Variants in INVS observed in about 807,000 individuals in gnomAD.
The protein encoded by INVS is inversion of embryo turning homolog.
Under a neutral mutation model 108.8 loss-of-function variants are expected in INVS, and 86 were observed. The ratio of observed to expected loss-of-function variants is 0.79; its 90% CI spans 0.66 to 0.95. The LOEUF (loss-of-function observed/expected upper bound fraction) is 0.95, where lower values mean the gene tolerates loss of function less well. Ranked by LOEUF, INVS falls within the 40% of genes least tolerant of loss-of-function variation. INVS has a pLI of 0.00. For missense variants in INVS, 1,169 were observed against 1,297.4 expected (o/e 0.90, Z 1.52); for synonymous variants, 455 against 473.5 (o/e 0.96, Z 0.51).
intron 3 of INVS, among the ~76,000 whole-genome samples, chr9:100,128,526 C>A (rs970446360): frequency 3.3e-5 from 5 of 152,108 alleles, no homozygotes; most frequent in African/African-American, 1.2e-4. Context: ...AAAGCACCAG[C>A]ATTCAGAGAT....
chr9:100,292,288 G>T, intron 13 of INVS, 38 bp from the exon 14 acceptor site: 1 of 1,549,762 alleles, frequency 6.5e-7, no homozygotes, highest in Non-Finnish European at 8.9e-7. Context: ...ATCCTACTCT[G>T]CAAGTTTTGG....
intron 3 of INVS, among the ~76,000 whole-genome samples, chr9:100,184,658 G>A (rs562931013): frequency 1.3e-5 from 2 of 152,060 alleles, no homozygotes; most frequent in African/African-American, 2.4e-5. Context: ...TGCTACATTG[G>A]GAAGACATAT....
intron 3 of INVS, chr9:100,176,179 T>C (rs1014202876): frequency 1.6e-5 from 6 of 365,472 alleles, no homozygotes; most frequent in African/African-American, 1.1e-4. Context: ...CTTCATATCT[T>C]TGTTTCCTTT....
At chr9:100,284,195 A>G in intron 12 of INVS, 125 bp from the exon 13 acceptor site, 1 of 1,177,592 alleles carries the variant, frequency 8.5e-7, no homozygotes, top group Non-Finnish European at 1.2e-6. Flanking sequence ...CTGCTCTTGG[A>G]AAATGCAAAT....
At position 100,301,057 on chromosome 9, in the gene INVS, G is replaced by A. The variant is rs1833950826; in HGVS notation, c.*383G>A. 1 of 295,922 alleles carries A rather than the reference G, an allele frequency of 3.4e-6. No individual in the cohort carries two copies. The highest frequency in any genetic ancestry group is 3.4e-5 in the South Asian group (1 of 28,996). 18.3% of individuals were successfully genotyped at this position (295,922 alleles called of 1,614,324 possible). ...CTGGTACTGGCTTCTTGTTTCAAGA[G>A]ATGAACCTAAATGAGATAGGAAGCC... On this transcript the variant is annotated 3_prime_UTR_variant, in exon 17 of 17. Transcript: ENST00000262457.
At chr9:100,117,674 G>T (rs1827587050) in intron 2 of INVS, 1 of 591,876 alleles carries the variant, frequency 1.7e-6, no homozygotes, top group Non-Finnish European at 3.0e-6. Flanking sequence ...CGGAGAAGAA[G>T]CAGTTATAGG....
chr9:100,104,293 G>A (rs1827100725), intron 1 of INVS, among the ~76,000 whole-genome samples: 1 of 152,046 alleles, frequency 6.6e-6, no homozygotes, highest in African/African-American at 2.4e-5. Flanking sequence ...TCAAACTTCT[G>A]GCCTCAAGCA....
chr9:100,123,236 C>G (rs2118884604), intron 2 of INVS, among the ~76,000 whole-genome samples: 1 of 152,282 alleles, frequency 6.6e-6, no homozygotes, highest in Non-Finnish European at 1.5e-5. Flanking sequence ...AAACCCTTCA[C>G]CCTTTGGCTG....
At chr9:100,289,685 A>G (rs1833554253) in intron 13 of INVS, among the ~76,000 whole-genome samples, 1 of 152,160 alleles carries the variant, frequency 6.6e-6, no homozygotes, top group Non-Finnish European at 1.5e-5. Context: ...AGGTTAGACT[A>G]TCTTCCTTAC....
At chr9:100,115,429 T>TA (rs1053918874) in intron 2 of INVS, among the ~76,000 whole-genome samples, 42 of 152,268 alleles carry the variant, frequency 2.8e-4, no homozygotes, top group African/African-American at 9.6e-4. Flanking sequence ...ACATTAGGTA[T>TA]ATCTCCTAAT....
chr9:100,176,507 C>T (rs966816520), intron 3 of INVS, among the ~76,000 whole-genome samples: 6 of 152,054 alleles, frequency 3.9e-5, no homozygotes, highest in Non-Finnish European at 5.9e-5. Context: ...GACGGAGTCT[C>T]GCACTGCTGC....
chr9:100,125,475 A>G (rs1342721261), intron 2 of INVS, among the ~76,000 whole-genome samples: 2 of 152,098 alleles, frequency 1.3e-5, no homozygotes, highest in South Asian at 2.1e-4. Context: ...GCAAAAGCAA[A>G]CAAGCAAACA....
chr9:100,248,966 C>G (rs1210859877), intron 8 of INVS, among the ~76,000 whole-genome samples: 3 of 145,668 alleles, frequency 2.1e-5, no homozygotes, highest in Non-Finnish European at 4.5e-5. Context: ...TCTCAAACTC[C>G]TGGGCTCAAG....
rs927985340 is a variant in INVS at position 100,256,201 on chromosome 9, T to C, written c.1464+3065T>C. The stretch of plus-strand genomic sequence containing the variant: ...TTCTAGATTTTCTAGTTTATTTGCA[T>C]AGAAGTGTTTATAGTATTCTCTGAT... On this transcript the variant is annotated intron_variant, in intron 10 of 16. Coordinates refer to ENST00000262457, the MANE Select transcript of INVS (RefSeq NM_014425.5). Among the ~76,000 whole-genome samples the C allele has an allele frequency of 3.9e-5, 6 of 152,352 alleles. No homozygotes were observed. The East Asian group carries it at 5.8e-4, about 15-fold the overall frequency.
In INVS at chr9:100,103,681, C is replaced by T. The variant is rs1234324818; in HGVS notation, c.-24-817C>T. On this transcript the variant is annotated intron_variant, in intron 1 of 16. Coordinates refer to ENST00000262457, the MANE Select transcript of INVS (RefSeq NM_014425.5). ...GGAGAGGAGGGGAGGAAAGGAGAGG[C>T]GAGGGGAGGGGAGGGGAGGCGAGGG... Among the ~76,000 whole-genome samples the T allele has an allele frequency of 8.8e-5, 4 of 45,644 alleles. No individual in the cohort carries two copies. In the South Asian group the frequency reaches 2.6e-3, roughly 29 times the overall value. The allele number at this position is 45,644 out of a possible 152,430, so 29.9% of individuals were successfully genotyped here.
chr9:100,104,045 T>C (rs1258753735), intron 1 of INVS, among the ~76,000 whole-genome samples: 1 of 152,166 alleles, frequency 6.6e-6, no homozygotes, highest in Non-Finnish European at 1.5e-5. Flanking sequence ...TGTGTCACTG[T>C]AACCCTGAGC....
At chr9:100,146,831 A>G (rs1194183323) in intron 3 of INVS, among the ~76,000 whole-genome samples, 2 of 152,208 alleles carry the variant, frequency 1.3e-5, no homozygotes, top group African/African-American at 2.4e-5. Flanking sequence ...ATATACCGCA[A>G]TTTATTTATT....
chr9:100,297,161 G>A lies in INVS; in HGVS notation c.3016+15G>A, dbSNP rs1270671278. The A allele has an allele frequency of 2.5e-6, 4 of 1,604,838 alleles. No individual in the cohort carries two copies. Among genetic ancestry groups the A allele is most frequent in the Non-Finnish European group, 3.4e-6 (4 of 1,172,102 alleles). On this transcript the variant is annotated intron_variant, in intron 15 of 16. Transcript: ENST00000262457. ...GCAAATCTATGGTAACTGTCCTTCTGCCTACTTTGTAGTTCACAAGTACCC... is the reference window on the plus strand; with the variant it reads ...GCAAATCTATGGTAACTGTCCTTCTACCTACTTTGTAGTTCACAAGTACCC...
intron 3 of INVS, among the ~76,000 whole-genome samples, chr9:100,137,080 T>C (rs1043365392): frequency 6.6e-5 from 10 of 152,016 alleles, no homozygotes; most frequent in Non-Finnish European, 1.5e-4. Context: ...AGATACACAG[T>C]AGGAAAGTTT....
Sources: gnomAD v4.1 joint callset for allele counts (sites outside exome capture counted in the v4.1 genomes callset) on GRCh38, gnomAD v4.1.1 for gene constraint, MANE v1.5 for transcripts, NCBI Gene and HGNC (gene_info 2026-07-23, HGNC 2026-07-21) for gene names.